Variants in QSOX1 observed in about 807,000 individuals in gnomAD.
The protein encoded by QSOX1 is sulfhydryl oxidase 1.
A neutral mutation model predicts 76.1 loss-of-function variants in QSOX1; 40 were observed. The observed-to-expected ratio is 0.53, with a 90% confidence interval of 0.41 to 0.68. The LOEUF is 0.68. QSOX1 is among the 30% of genes least tolerant of loss of function. The probability of loss-of-function intolerance (pLI) is 0.00; values close to 1 mark genes in which losing one functional copy is unlikely to be tolerated. For synonymous variants in QSOX1, 392 were observed against 413.1 expected (o/e 0.95, Z 0.62); for missense variants, 931 against 974.3 (o/e 0.96, Z 0.59).
intron 7 of QSOX1, among the ~76,000 whole-genome samples, chr1:180,184,275 G>A (rs1663114937): frequency 6.6e-6 from 1 of 152,174 alleles, no homozygotes; most frequent in Non-Finnish European, 1.5e-5. Flanking sequence ...TTGCGGGGCC[G>A]GGGCTGACTG....
intron 3 of QSOX1, 143 bp downstream of exon 3, chr1:180,175,509 T>C (rs1161956269): frequency 1.1e-5 from 10 of 886,104 alleles, no homozygotes; most frequent in Non-Finnish European, 1.9e-5. Flanking sequence ...CTAACTTGTG[T>C]CTTCCCAAAA....
intron 1 of QSOX1, among the ~76,000 whole-genome samples, chr1:180,165,169 A>G (rs780341080): frequency 3.9e-5 from 6 of 152,218 alleles, no homozygotes; most frequent in Non-Finnish European, 8.8e-5. Flanking sequence ...AGGTCCTGCT[A>G]AAACTGTGAC....
chr1:180,197,311 G>T lies in QSOX1; in HGVS notation c.*274G>T. 6.2e-7 allele frequency: 1 copy of T among 1,613,962 alleles called. No homozygotes were observed. Among genetic ancestry groups the T allele is most frequent in the Non-Finnish European group, 8.5e-7 (1 of 1,180,012 alleles). The stretch of plus-strand genomic sequence containing the variant: ...GGGCAGCTCAGTCCCTGGCCTCTTA[G>T]CACCACATTCCTGTTTTTCAGCTTA... On this transcript the variant is annotated 3_prime_UTR_variant, in exon 12 of 12. Transcript: ENST00000367602.
At chr1:180,194,140 T>G (rs1572055695) in intron 10 of QSOX1, 73 bp from the exon 11 acceptor site, 1 of 1,439,232 alleles carries the variant, frequency 6.9e-7, no homozygotes, top group Non-Finnish European at 9.4e-7. Flanking sequence ...GGCGGCAGGG[T>G]GGCCTGGGGA....
intron 10 of QSOX1, among the ~76,000 whole-genome samples, chr1:180,193,859 C>A (rs981966061): frequency 6.6e-6 from 1 of 152,092 alleles, no homozygotes; most frequent in South Asian, 2.1e-4. Context: ...GGGGCTAGGG[C>A]GGTGGCCCTC....
chr1:180,169,048 C>T (rs775718953), intron 2 of QSOX1, among the ~76,000 whole-genome samples: 7 of 152,264 alleles, frequency 4.6e-5, no homozygotes, highest in African/African-American at 1.7e-4. Context: ...GTCTCCAGCC[C>T]CTTGTCACTA....
At chr1:180,175,428 G>A (rs1662865314) in intron 3 of QSOX1, 62 bp downstream of exon 3, 2 of 1,561,650 alleles carry the variant, frequency 1.3e-6, no homozygotes, top group African/African-American at 1.4e-5. Flanking sequence ...CTCTTCACCT[G>A]GGTTTCTATT....
chr1:180,184,080 T>C (rs780725950), intron 7 of QSOX1, 30 bp downstream of exon 7: 1 of 1,611,286 alleles, frequency 6.2e-7, no homozygotes. Context: ...TCCTCACTTC[T>C]TCTCCTTCCT....
At chr1:180,182,055 T>C in intron 5 of QSOX1, 119 bp from the exon 6 acceptor site, 1 of 983,696 alleles carries the variant, frequency 1.0e-6, no homozygotes, top group Non-Finnish European at 1.5e-6. Context: ...TTTGTGGGTT[T>C]AGAGTCTGGA....
chr1:180,166,375 G>C (rs1662617418), intron 1 of QSOX1, 116 bp from the exon 2 acceptor site: 4 of 764,370 alleles, frequency 5.2e-6, no homozygotes, highest in African/African-American at 3.4e-5. Flanking sequence ...TGTCATAAGA[G>C]CTTTGGGATC....
chr1:180,189,808 TA>T (rs1164266471), intron 9 of QSOX1, 134 bp downstream of exon 9: 1 of 986,454 alleles, frequency 1.0e-6, no homozygotes, highest in Non-Finnish European at 1.5e-6. Flanking sequence ...GTCCTAACAA[TA>T]ATCAATAAAT....
rs1430407366 is a variant in QSOX1, at chr1:180,154,962, C to G, written c.55C>G (p.Leu19Val). 3 of 1,504,348 alleles carry G rather than the reference C, an allele frequency of 2.0e-6. No individual in the cohort carries two copies. The African/African-American group carries it at 4.3e-5, about 22-fold the overall frequency. The allele number at this position is 1,504,348 out of a possible 1,614,324, so 93.2% of individuals were successfully genotyped here. A position where few individuals can be genotyped will look rare whatever the true frequency, so the allele number is the denominator to read the frequency against. Residue 19 changes from leucine (L) to valine (V), a missense_variant, in exon 1 of 12, where the codon CTG becomes GTG. Transcript: ENST00000367602. ...GCCGCCGTCGCTGCTGCTGCTGCTG[C>G]TGTGGCTGCTCGCGGTTCCCGGCGC... ...GPPPSLLLLL[L>V]WLLAVPGANA...
intron 4 of QSOX1, 81 bp from the exon 5 acceptor site, chr1:180,178,713 T>C: frequency 7.8e-7 from 1 of 1,280,826 alleles, no homozygotes; most frequent in Middle Eastern, 1.9e-4. Context: ...CAGCACTGCA[T>C]CACCAGCGTC....
chr1:180,188,513 C>G (rs1353032795), intron 8 of QSOX1, among the ~76,000 whole-genome samples: 1 of 152,240 alleles, frequency 6.6e-6, no homozygotes, highest in East Asian at 1.9e-4. Context: ...TGACTTCAAG[C>G]TGTAAATTTG....
At chr1:180,169,184 G>A (rs1662706142) in intron 2 of QSOX1, among the ~76,000 whole-genome samples, 1 of 152,264 alleles carries the variant, frequency 6.6e-6, no homozygotes, top group Non-Finnish European at 1.5e-5. Context: ...AAACAAAGGC[G>A]TGGGAGAGGG....
At chr1:180,170,283 C>G (rs1472896363) in intron 2 of QSOX1, among the ~76,000 whole-genome samples, 3 of 152,158 alleles carry the variant, frequency 2.0e-5, no homozygotes, top group Admixed American at 1.3e-4. Context: ...GAGGTGGGCC[C>G]CTTTCTCAGC....
rs548807331 is a variant in QSOX1 at position 180,198,970 on chromosome 1, G to T, written c.*1933G>T. On this transcript the variant is annotated 3_prime_UTR_variant, in exon 12 of 12. Transcript: ENST00000367602. ...TCTGTCAGCAAGCCCTGTGGCTCCA[G>T]TGACGGTATTTCTAAAGCCAAACTT... 6.3e-6 allele frequency: 1 copy of T among 158,886 alleles called. No individual in the cohort carries two copies. The highest frequency in any genetic ancestry group is 1.8e-4 in the East Asian group (1 of 5,450). 9.8% of individuals were successfully genotyped at this position (158,886 alleles called of 1,614,324 possible).
intron 10 of QSOX1, 102 bp downstream of exon 10, chr1:180,190,682 G>T: frequency 7.3e-7 from 1 of 1,373,972 alleles, no homozygotes; most frequent in Non-Finnish European, 9.9e-7. Flanking sequence ...TGCCCCACTG[G>T]CTCCCAGCTG....
intron 2 of QSOX1, among the ~76,000 whole-genome samples, chr1:180,170,332 C>T (rs1356843721): frequency 6.6e-6 from 1 of 152,204 alleles, no homozygotes; most frequent in African/African-American, 2.4e-5. Flanking sequence ...CATGGATAAT[C>T]CACGGTGTTG....
Sources: allele counts gnomAD v4.1 joint callset (sites outside exome capture counted in the v4.1 genomes callset), GRCh38; gene constraint gnomAD v4.1.1; transcripts MANE v1.5; gene names NCBI Gene and HGNC (gene_info 2026-07-23, HGNC 2026-07-21).